The following FADS2 variants were observed in gnomAD, a reference collection of about 807,000 sequenced individuals.
FADS2 encodes acyl-CoA 6-desaturase.
FADS2 carries 18 observed loss-of-function variants against 61.2 expected under a neutral mutation model. That is an observed-to-expected ratio of 0.29 (90% CI 0.20 to 0.44). FADS2 has a LOEUF of 0.44. FADS2 is among the 20% of genes least tolerant of loss of function. The pLI is 1.00. For missense variants in FADS2, 322 were observed against 572.7 expected, an observed-to-expected ratio of 0.56 and a Z score of 4.47; for synonymous variants, 203 against 223.9, an observed-to-expected ratio of 0.91 and a Z score of 0.83.
Position 61,816,380 on chromosome 11 carries a change from C to A in FADS2, c.95C>A (p.Pro32Gln), listed in dbSNP as rs751709749. 7 of 1,598,502 alleles carry A rather than the reference C, an allele frequency of 4.4e-6. No homozygotes were observed. In the Admixed American group the frequency reaches 1.2e-4, roughly 27 times the overall value. The change falls in exon 1 of 12, where the codon CCG becomes CAG. Residue 32 changes from proline to glutamine, a missense_variant. Pro to Gln is a moderately conservative substitution (Grantham distance 76). Coordinates refer to the FADS2 transcript ENST00000257261. The surrounding 1 kb of genome is among the most constrained non-coding windows in gnomAD (Gnocchi z 7.0). ...ACTCCACTTCTCCAGGCCTCTCTCC[C>A]GCCTTTTCATCCCGCATCCGCAGGA...
chr11:61,842,528 G>A (rs1377162678), intron 4 of FADS2, among the ~76,000 whole-genome samples: 1 of 152,236 alleles, frequency 6.6e-6, no homozygotes, highest in Non-Finnish European at 1.5e-5. Context: ...CTCAGTCTTT[G>A]AGGGGCCCCA....
At chr11:61,823,076 C>T (rs1326810266) in intron 1 of FADS2, among the ~76,000 whole-genome samples, 6 of 152,198 alleles carry the variant, frequency 3.9e-5, no homozygotes, top group Non-Finnish European at 7.3e-5. Context: ...TACTGCACTT[C>T]TTATCACCAG....
chr11:61,821,325 G>A (rs950632987), intron 1 of FADS2: 34 of 690,542 alleles, frequency 4.9e-5, no homozygotes, highest in Non-Finnish European at 8.7e-5. Flanking sequence ...TTGGAGACCA[G>A]CCTAGACAAC....
intron 5 of FADS2, 40 bp from the exon 6 acceptor site, chr11:61,856,958 GGAGGCTGGGAGCT>G: frequency 1.4e-6 from 2 of 1,432,576 alleles, no homozygotes; most frequent in Non-Finnish European, 2.0e-6. Context: ...GGGGAACATG[GGAGGCTGGGAGCT>G]GAGGCTACTG....
chr11:61,842,567 C>T (rs984179605), intron 4 of FADS2, among the ~76,000 whole-genome samples: 5 of 151,920 alleles, frequency 3.3e-5, no homozygotes, highest in Non-Finnish European at 7.4e-5. Context: ...AGGCGGGAGA[C>T]GGGGCCAGGA....
intron 2 of FADS2, among the ~76,000 whole-genome samples, chr11:61,839,574 C>T (rs1334423227): frequency 2.0e-5 from 3 of 152,162 alleles, no homozygotes; most frequent in Admixed American, 6.5e-5. Context: ...CTGCCTGCCT[C>T]GGCCACCCAA....
rs1168483246 is a variant in FADS2 at position 61,816,666 on chromosome 11, G to T, written c.141+240G>T. 6.3e-7 allele frequency: 1 copy of T among 1,595,856 alleles called. No homozygotes were observed. The highest frequency in any genetic ancestry group is 8.5e-7 in the Non-Finnish European group (1 of 1,172,044). On this transcript the variant is annotated intron_variant, in intron 1 of 11. Coordinates refer to the FADS2 transcript ENST00000257261. This position sits in a 1 kb window ranked among gnomAD's most constrained non-coding sequence, Gnocchi z 7.0. ...GGTCGATCACTAGCCACCGCTCCTC[G>T]CACCCTGAGCGCTGGGCCACCTCGT...
In FADS2 at chr11:61,865,857, C is replaced by T; in HGVS notation, c.*168C>T. ...TCCTCTCCTTTTTCTCTTCACATCT[C>T]CCCCATAGCACCCTGCCCTCATGGG... On this transcript the variant is annotated 3_prime_UTR_variant, in exon 12 of 12. Coordinates refer to ENST00000278840, the MANE Select transcript of FADS2 (RefSeq NM_004265.4). The surrounding 1 kb of genome is among the most constrained non-coding windows in gnomAD (Gnocchi z 4.1). 3.2e-6 allele frequency: 2 copies of T among 630,678 alleles called. No homozygotes were observed. The highest frequency in any genetic ancestry group is 5.7e-6 in the Non-Finnish European group (2 of 353,518). The allele number at this position is 630,678 out of a possible 1,614,324, so 39.1% of individuals were successfully genotyped here.
At chr11:61,843,608 G>A (rs563503367) in intron 4 of FADS2, among the ~76,000 whole-genome samples, 7 of 152,234 alleles carry the variant, frequency 4.6e-5, no homozygotes, top group African/African-American at 1.7e-4. Flanking sequence ...ATTCTAAGGG[G>A]ACACCAGACA....
chr11:61,865,800 C>T lies in FADS2; in HGVS notation c.*111C>T, dbSNP rs959833777. The T allele has an allele frequency of 4.8e-6, 4 of 836,200 alleles. No individual in the cohort carries two copies. In the African/African-American group the frequency reaches 6.7e-5, roughly 14 times the overall value. 51.8% of individuals were successfully genotyped at this position (836,200 alleles called of 1,614,324 possible). ...CCGAGAGGCTGGTGTATGCACTGCT[C>T]ACGGACCCCATGTTGGATCTTTCTC... On this transcript the variant is annotated 3_prime_UTR_variant, in exon 12 of 12. Transcript: ENST00000278840. This position sits in a 1 kb window ranked among gnomAD's most constrained non-coding sequence, Gnocchi z 4.1.
intron 1 of FADS2, among the ~76,000 whole-genome samples, chr11:61,831,273 C>T (rs2067126326): frequency 6.6e-6 from 1 of 152,022 alleles, no homozygotes; most frequent in Non-Finnish European, 1.5e-5. Flanking sequence ...GATGGTTTGT[C>T]CCCCAGAGCA....
intron 4 of FADS2, 141 bp downstream of exon 4, chr11:61,840,866 A>C (rs1640103653): frequency 1.5e-6 from 1 of 679,574 alleles, no homozygotes; most frequent in African/African-American, 1.8e-5. Context: ...GTGACTCTCC[A>C]TTCTGCTGAC....
intron 1 of FADS2, among the ~76,000 whole-genome samples, chr11:61,831,906 C>G (rs762221870): frequency 2.6e-5 from 4 of 152,214 alleles, no homozygotes; most frequent in Non-Finnish European, 5.9e-5. Flanking sequence ...GCCCTAAGAG[C>G]GTGTCTGCTC....
intron 5 of FADS2, among the ~76,000 whole-genome samples, chr11:61,852,963 G>T (rs906439521): frequency 1.3e-5 from 2 of 152,066 alleles, no homozygotes; most frequent in African/African-American, 4.8e-5. Flanking sequence ...GACCATCTTG[G>T]CTAACACAAT....
upstream of FADS2, chr11:61,816,221 C>T: frequency 1.3e-6 from 2 of 1,586,818 alleles, no homozygotes; most frequent in Admixed American, 1.7e-5. This position sits in a 1 kb window ranked among gnomAD's most constrained non-coding sequence, Gnocchi z 7.0. Flanking sequence ...TCTCCTCCCT[C>T]CTAGCCTACC....
chr11:61,865,270 A>G lies in FADS2; in HGVS notation c.1276A>G (p.Ile426Val). ...GCCGCTACTGAGGGCCCTGCTGGAC[A>G]TCATCAGGTGAGGGGTGGAGGTCCA... ...EKPLLRALLD[I>V]IRSLKKSGKL... Residue 426 changes from isoleucine (I) to valine (V), a missense_variant, in exon 11 of 12, where the codon ATC (isoleucine) becomes GTC (valine). This residue lies in a region of FADS2 where 221 missense variants were observed against 427.9 expected (regional missense o/e 0.52). Coordinates refer to ENST00000278840, the MANE Select transcript of FADS2 (RefSeq NM_004265.4). The surrounding 1 kb of genome is among the most constrained non-coding windows in gnomAD (Gnocchi z 4.1). 6.2e-7 allele frequency: 1 copy of G among 1,613,234 alleles called. No homozygotes were observed. Among genetic ancestry groups the G allele is most frequent in the Middle Eastern group, 1.8e-4 (1 of 5,494 alleles).
chr11:61,821,567 A>G (rs1324216627), intron 1 of FADS2: 7 of 617,012 alleles, frequency 1.1e-5, no homozygotes, highest in Non-Finnish European at 2.0e-5. Flanking sequence ...TAGGAGAAGC[A>G]ATACCGGTTG....
At chr11:61,848,355 A>G in intron 5 of FADS2, 71 bp downstream of exon 5, 1 of 1,600,746 alleles carries the variant, frequency 6.2e-7, no homozygotes, top group Non-Finnish European at 8.6e-7. Flanking sequence ...TCGAGGTACA[A>G]CTAAGGAGAT....
intron 7 of FADS2, among the ~76,000 whole-genome samples, chr11:61,860,379 G>C (rs1051678712): frequency 2.6e-5 from 4 of 152,240 alleles, no homozygotes; most frequent in African/African-American, 9.6e-5. Flanking sequence ...GCTCTGGCAA[G>C]GTTCCCTGTT....
Sources: gnomAD v4.1 joint callset for allele counts (sites outside exome capture counted in the v4.1 genomes callset) on GRCh38, gnomAD v4.1.1 for gene constraint, gnomAD v4.1.1 regional missense constraint, Gnocchi (gnomAD v3.1) non-coding constraint, MANE v1.5 for transcripts, NCBI Gene and HGNC (gene_info 2026-07-23, HGNC 2026-07-21) for gene names.